VAV2: variants seen among roughly 807,000 people sequenced by gnomAD.
VAV2 encodes the protein guanine nucleotide exchange factor VAV2.
Under a neutral mutation model 132.5 loss-of-function variants are expected in VAV2, and 67 were observed. That is an observed-to-expected ratio of 0.51 (90% CI 0.42 to 0.62). The LOEUF is 0.62. VAV2 is among the 20% of genes least tolerant of loss of function. The pLI, the probability that VAV2 is intolerant of heterozygous loss-of-function variation, is 0.00. For missense variants in VAV2, 938 were observed against 1,153.6 expected, an observed-to-expected ratio of 0.81 and a Z score of 2.71; for synonymous variants, 492 against 443.5, an observed-to-expected ratio of 1.11 and a Z score of -1.37.
intron 4 of VAV2, among the ~76,000 whole-genome samples, chr9:133,829,935 G>A (rs1013393217): frequency 4.9e-4 from 75 of 152,210 alleles, no homozygotes; most frequent in Non-Finnish European, 4.1e-4. Flanking sequence ...GGCAGGAAAT[G>A]TGTCTTCATC....
intron 9 of VAV2, among the ~76,000 whole-genome samples, chr9:133,800,038 G>A (rs1042824244): frequency 6.6e-6 from 1 of 152,198 alleles, no homozygotes; most frequent in African/African-American, 2.4e-5. Flanking sequence ...CTCTGGGACC[G>A]TGACTGTCGC....
chr9:133,877,500 A>T (rs781023812), intron 2 of VAV2, among the ~76,000 whole-genome samples: 1 of 152,100 alleles, frequency 6.6e-6, no homozygotes, highest in African/African-American at 2.4e-5. Flanking sequence ...ATCCTCAACC[A>T]CCCAATGAGG....
At chr9:133,906,070 A>T (rs1419604499) in intron 2 of VAV2, among the ~76,000 whole-genome samples, 1 of 152,112 alleles carries the variant, frequency 6.6e-6, no homozygotes, top group Non-Finnish European at 1.5e-5. Flanking sequence ...AGGTTCCTAC[A>T]AGGAAACTGC....
intron 1 of VAV2, among the ~76,000 whole-genome samples, chr9:133,978,121 C>T (rs1268946289): frequency 1.3e-5 from 2 of 152,240 alleles, no homozygotes; most frequent in African/African-American, 4.8e-5. Flanking sequence ...ACACGGTGTT[C>T]GAGGGTGAGG....
intron 9 of VAV2, among the ~76,000 whole-genome samples, chr9:133,801,416 G>A (rs1327356321): frequency 6.6e-6 from 1 of 152,230 alleles, no homozygotes; most frequent in Non-Finnish European, 1.5e-5. Context: ...ATTCCAAAGC[G>A]AATGCACATG....
intron 1 of VAV2, among the ~76,000 whole-genome samples, chr9:133,950,783 G>A (rs1841532679): frequency 6.6e-6 from 1 of 152,122 alleles, no homozygotes; most frequent in South Asian, 2.1e-4. Flanking sequence ...CAAGCCATCT[G>A]TGAAACGGGC....
intron 19 of VAV2, among the ~76,000 whole-genome samples, chr9:133,781,058 C>G (rs1011152922): frequency 6.6e-6 from 1 of 152,192 alleles, no homozygotes; most frequent in African/African-American, 2.4e-5. Flanking sequence ...ACCTGGCACT[C>G]AAAGGGGAGA....
At chr9:133,778,987 C>G (rs1833912509) in intron 21 of VAV2, 98 bp from the exon 22 acceptor site, 1 of 1,509,596 alleles carries the variant, frequency 6.6e-7, no homozygotes, top group Admixed American at 1.8e-5. Flanking sequence ...AGCTCGGCCT[C>G]CCCCAGCACA....
At chr9:133,895,928 C>CTTTTT (rs551480342) in intron 2 of VAV2, among the ~76,000 whole-genome samples, 1 of 115,218 alleles carries the variant, frequency 8.7e-6, no homozygotes, top group Non-Finnish European at 1.8e-5. Context: ...ACACTAAAAT[C>CTTTTT]TTTTTTTTTT....
In VAV2 at chr9:133,791,908, G is replaced by A. The variant is rs746248007; in HGVS notation, c.1102-39C>T. Reference sequence around the variant, plus strand: ...GGCAGAGGTGAGCGGGCTGTGCTGGGTGGGGTGTGTGTGACTGTGTGTGTA... The same window carrying A: ...GGCAGAGGTGAGCGGGCTGTGCTGGATGGGGTGTGTGTGACTGTGTGTGTA... On this transcript the variant is annotated intron_variant, in intron 12 of 29. Coordinates refer to ENST00000371850, the MANE Select transcript of VAV2 (RefSeq NM_001134398.2). 5 of 1,556,900 alleles carry A rather than the reference G, an allele frequency of 3.2e-6. No homozygotes were observed. In the African/African-American group the frequency reaches 6.8e-5, roughly 21 times the overall value.
chr9:133,803,063 G>A (rs1362521576), intron 9 of VAV2, among the ~76,000 whole-genome samples: 1 of 152,122 alleles, frequency 6.6e-6, no homozygotes, highest in African/African-American at 2.4e-5. Flanking sequence ...GCCGTACCCT[G>A]GAACCACCCA....
At chr9:133,904,662 C>T (rs1032437160) in intron 2 of VAV2, among the ~76,000 whole-genome samples, 6 of 152,236 alleles carry the variant, frequency 3.9e-5, no homozygotes, top group Admixed American at 6.5e-5. Flanking sequence ...ACACAGCAAC[C>T]GGCCACGGGG....
At chr9:133,950,827 T>C (rs572097535) in intron 1 of VAV2, among the ~76,000 whole-genome samples, 1 of 151,960 alleles carries the variant, frequency 6.6e-6, no homozygotes, top group African/African-American at 2.4e-5. Flanking sequence ...CTCCATTTCT[T>C]CCCCCTTCCG....
chr9:133,881,895 C>G (rs769554351), intron 2 of VAV2, among the ~76,000 whole-genome samples: 2 of 152,188 alleles, frequency 1.3e-5, no homozygotes, highest in East Asian at 3.9e-4. Flanking sequence ...GCAGCAAGTA[C>G]GTGCTGAGAA....
chr9:133,841,258 AG>A (rs1836711239), intron 3 of VAV2, among the ~76,000 whole-genome samples: 1 of 151,800 alleles, frequency 6.6e-6, no homozygotes, highest in South Asian at 2.1e-4. Flanking sequence ...CAGCAGCTAC[AG>A]GGAGAGAAGG....
intron 2 of VAV2, among the ~76,000 whole-genome samples, chr9:133,923,288 A>G (rs1483652138): frequency 6.6e-6 from 1 of 152,208 alleles, no homozygotes; most frequent in Non-Finnish European, 1.5e-5. Context: ...AGTTTCCTCA[A>G]AAAATTAGAC....
intron 1 of VAV2, among the ~76,000 whole-genome samples, chr9:133,948,570 G>A (rs1191571230): frequency 6.6e-6 from 1 of 152,198 alleles, no homozygotes; most frequent in African/African-American, 2.4e-5. Flanking sequence ...CCAAGAGCAA[G>A]CAGCTTGAGC....
In VAV2 at chr9:133,912,437, G is replaced by A. The variant is rs1235629306; in HGVS notation, c.321+26666C>T. 6.6e-6 allele frequency among the ~76,000 whole-genome samples: 1 copy of A among 152,190 alleles called. No homozygotes were observed. The highest frequency in any genetic ancestry group is 6.5e-5 in the Admixed American group (1 of 15,286). ...CAGTGTGCCTAGATGAAGGAACCAG[G>A]ACGCAGTGGCGCTTTTCCATCTGTA... On this transcript the variant is annotated intron_variant, in intron 2 of 29. Transcript: ENST00000371850. This position sits in a 1 kb window ranked among gnomAD's most constrained non-coding sequence, Gnocchi z 4.3.
In VAV2 at chr9:133,833,339, C is replaced by G. The variant is rs575284527; in HGVS notation, c.449+933G>C. ...AGGCACTCCCATACACGCAGCTCCC[C>G]CTCTTACTCCTCTCCCGGTTGTCAT... On this transcript the variant is annotated intron_variant, in intron 4 of 29. Coordinates refer to ENST00000371850, the MANE Select transcript of VAV2 (RefSeq NM_001134398.2). This position sits in a 1 kb window ranked among gnomAD's most constrained non-coding sequence, Gnocchi z 5.6. Among the ~76,000 whole-genome samples, 1 of 152,180 alleles carries G rather than the reference C, an allele frequency of 6.6e-6. No individual in the cohort carries two copies. The highest frequency in any genetic ancestry group is 2.4e-5 in the African/African-American group (1 of 41,438).
Sources: allele counts gnomAD v4.1 joint callset (sites outside exome capture counted in the v4.1 genomes callset), GRCh38; gene constraint gnomAD v4.1.1; non-coding constraint Gnocchi (gnomAD v3.1); transcripts MANE v1.5; gene names NCBI Gene and HGNC (gene_info 2026-07-23, HGNC 2026-07-21).